Variants in HEATR5A observed in about 807,000 individuals in gnomAD.
The protein encoded by HEATR5A is HEAT repeat containing 5A, also known as HEAT repeat-containing protein 5A.
HEATR5A carries 178 observed loss-of-function variants against 218.8 expected under a neutral mutation model. The ratio of observed to expected loss-of-function variants is 0.81; its 90% CI spans 0.72 to 0.92. The LOEUF is 0.92. HEATR5A is among the 40% of genes least tolerant of loss of function. HEATR5A has a pLI of 0.00. For synonymous variants in HEATR5A, 864 were observed against 871.6 expected (o/e 0.99, Z 0.15); for missense variants, 2,420 against 2,418.9 (o/e 1.00, Z -0.01).
chr14:31,332,837 T>C (rs1298884955), intron 22 of HEATR5A, among the ~76,000 whole-genome samples: 1 of 151,864 alleles, frequency 6.6e-6, no homozygotes, highest in Non-Finnish European at 1.5e-5. Context: ...AATACAAAAA[T>C]TAGCCAGGCA....
At chr14:31,336,209 CATACATACATATATATATATAT>C (rs1165873820) in intron 22 of HEATR5A, among the ~76,000 whole-genome samples, 723 of 57,554 alleles carry the variant, frequency 0.013, 26 homozygotes, top group African/African-American at 0.049. Flanking sequence ...TTTATATATA[CATACATACATATATATATATAT>C]ATATATATAT....
intron 23 of HEATR5A, 93 bp from the exon 24 acceptor site, chr14:31,323,897 CTA>C: frequency 3.7e-6 from 3 of 814,952 alleles, no homozygotes; most frequent in Non-Finnish European, 5.7e-6. Flanking sequence ...CAAATTCAGA[CTA>C]GAATTGCTCA....
chr14:31,313,045 C>T lies in HEATR5A; in HGVS notation c.4364G>A (p.Arg1455Lys). 1 of 1,613,988 alleles carries T rather than the reference C, an allele frequency of 6.2e-7. No individual in the cohort carries two copies. The highest frequency in any genetic ancestry group is 8.5e-7 in the Non-Finnish European group (1 of 1,179,872). The change falls in exon 28 of 36, where the codon AGA becomes AAA. Residue 1455 changes from arginine to lysine, a missense_variant. By Grantham distance (26) the Arg-to-Lys change is conservative (BLOSUM62 2). Transcript: ENST00000543095. ...LVYADLGTLS[R>K]LWLAALQDFA... ...ATCCTGAAGTGCAGCAAGCCAGAGTCTGCTTAGTGTGCCAAGATCTGCATA... is the reference window on the plus strand; with the variant it reads ...ATCCTGAAGTGCAGCAAGCCAGAGTTTGCTTAGTGTGCCAAGATCTGCATA...
Position 31,296,626 on chromosome 14 carries a change from G to A in HEATR5A, c.5465-563C>T, listed in dbSNP as rs1283629927. The A allele has an allele frequency of 3.3e-5, 5 of 152,286 alleles. No individual in the cohort carries two copies. The East Asian group carries it at 9.6e-4, about 29-fold the overall frequency. The allele number at this position is 152,286 out of a possible 1,614,324, so 9.4% of individuals were successfully genotyped here. On this transcript the variant is annotated intron_variant, in intron 33 of 35. Transcript: ENST00000543095. ...TTACAAATATGATTTCTCAAGAGTA[G>A]AGAAAAACCTGAAAACAGCTGTGTA... is the stretch of plus-strand genomic sequence containing the variant.
chr14:31,374,637 C>T (rs1322081293), intron 12 of HEATR5A, among the ~76,000 whole-genome samples, 179 bp downstream of exon 12: 4 of 152,110 alleles, frequency 2.6e-5, no homozygotes, highest in African/African-American at 7.2e-5. Flanking sequence ...TTTATTATAA[C>T]ATACACCAGT....
At chr14:31,342,924 T>C (rs1275381207) in intron 21 of HEATR5A, among the ~76,000 whole-genome samples, 1 of 152,068 alleles carries the variant, frequency 6.6e-6, no homozygotes, top group Non-Finnish European at 1.5e-5. Context: ...AGCTTGAAAA[T>C]GAAAGGTCTA....
chr14:31,354,437 C>T (rs534992070), intron 16 of HEATR5A, among the ~76,000 whole-genome samples: 8 of 152,046 alleles, frequency 5.3e-5, no homozygotes, highest in South Asian at 4.1e-4. Flanking sequence ...CTTCTGCCCC[C>T]CAATCCTGAA....
intron 12 of HEATR5A, among the ~76,000 whole-genome samples, chr14:31,374,143 A>C (rs1287120688): frequency 6.6e-6 from 1 of 151,816 alleles, no homozygotes; most frequent in African/African-American, 2.4e-5. Context: ...CCATCTCTAC[A>C]AAAAATTTAA....
chr14:31,311,421 T>A (rs932771815), intron 28 of HEATR5A, among the ~76,000 whole-genome samples: 3 of 151,996 alleles, frequency 2.0e-5, no homozygotes, highest in African/African-American at 7.2e-5. Flanking sequence ...TCTTTTAATT[T>A]TTTTTTTTTA....
chr14:31,308,005 A>G lies in HEATR5A; in HGVS notation c.4706T>C (p.Phe1569Ser). The change falls in exon 30 of 36, where the codon TTT becomes TCT. Residue 1569 changes from phenylalanine to serine, a missense_variant. Physicochemically the swap from Phe to Ser is radical, Grantham distance 155. Transcript: ENST00000543095. ...TGCATCTGAACGTAAGGAACATAGA[A>G]ATTCCACGCTGATTCCTGTGGAAAG... ...FHLILGISVEFLCSLRSDATM... is the reference protein window; with the variant it reads ...FHLILGISVESLCSLRSDATM... The G allele has an allele frequency of 6.2e-7, 1 of 1,609,852 alleles. No individual in the cohort carries two copies. Among genetic ancestry groups the G allele is most frequent in the Non-Finnish European group, 8.5e-7 (1 of 1,178,692 alleles).
chr14:31,306,525 T>G (rs959034596), intron 31 of HEATR5A, among the ~76,000 whole-genome samples: 2 of 152,044 alleles, frequency 1.3e-5, no homozygotes, highest in East Asian at 3.8e-4. Flanking sequence ...GCCTAAAGAC[T>G]CTACTTTCAG....
intron 1 of HEATR5A, among the ~76,000 whole-genome samples, chr14:31,419,908 C>G (rs1354525336): frequency 6.6e-6 from 1 of 152,122 alleles, no homozygotes; most frequent in Non-Finnish European, 1.5e-5. Flanking sequence ...AAGCAAATAT[C>G]CACACTCTCC....
At position 31,293,832 on chromosome 14, in the gene HEATR5A, A is replaced by G. The variant is rs1899093063; in HGVS notation, c.5833+59T>C. On this transcript the variant is annotated intron_variant, in intron 35 of 35. Transcript: ENST00000543095. ...TGTGACTGATTGTTTTGCAATTTAA[A>G]TAACAGTAAAATTCTGATTTTTGTT... 50 of 1,379,896 alleles carry G rather than the reference A, an allele frequency of 3.6e-5. No homozygotes were observed. The South Asian group carries it at 5.6e-4, about 16-fold the overall frequency. 85.5% of individuals were successfully genotyped at this position (1,379,896 alleles called of 1,614,324 possible). A position where few individuals can be genotyped will look rare whatever the true frequency, so the allele number is the denominator to read the frequency against.
At chr14:31,324,085 TA>T (rs1304056733) in intron 23 of HEATR5A, among the ~76,000 whole-genome samples, 1 of 152,014 alleles carries the variant, frequency 6.6e-6, no homozygotes, top group Non-Finnish European at 1.5e-5. Context: ...AAAAAATATT[TA>T]AAAAAACAAA....
chr14:31,344,268 C>CTTTT (rs577497140), intron 20 of HEATR5A, among the ~76,000 whole-genome samples: 5 of 50,812 alleles, frequency 9.8e-5, no homozygotes, highest in Non-Finnish European at 1.5e-4. Flanking sequence ...ATTAGTTATT[C>CTTTT]TTTTTTTTTT....
At position 31,411,117 on chromosome 14, in the gene HEATR5A, A is replaced by G. The variant is rs187203578; in HGVS notation, c.-74-8068T>C. 4.0e-4 allele frequency among the ~76,000 whole-genome samples: 61 copies of G among 152,358 alleles called. No homozygotes were observed. The East Asian group carries it at 0.011, about 28-fold the overall frequency. On this transcript the variant is annotated intron_variant, in intron 1 of 35. Transcript: ENST00000543095. ...GAAAAGCTGATAGTTTAATATAAAC[A>G]GTGGCAGTACAAATGGTTCAACTCT...
chr14:31,377,875 A>G (rs945040711), intron 11 of HEATR5A, among the ~76,000 whole-genome samples: 2 of 152,222 alleles, frequency 1.3e-5, no homozygotes, highest in African/African-American at 4.8e-5. Context: ...CAAAGTAATT[A>G]AACAAAACCT....
At chr14:31,348,358 T>C (rs1041740208) in intron 18 of HEATR5A, among the ~76,000 whole-genome samples, 4 of 152,092 alleles carry the variant, frequency 2.6e-5, no homozygotes, top group Non-Finnish European at 5.9e-5. Context: ...GGAGGATCAC[T>C]TCAACCCAGG....
At chr14:31,417,078 A>G (rs74643698) in intron 1 of HEATR5A, among the ~76,000 whole-genome samples, 1,638 of 152,186 alleles carry the variant, frequency 0.011, 25 homozygotes, top group African/African-American at 0.037. Flanking sequence ...TAAACAAATA[A>G]ATAAAACAAA....
Sources: gnomAD v4.1 joint callset for allele counts (sites outside exome capture counted in the v4.1 genomes callset) on GRCh38, gnomAD v4.1.1 for gene constraint, MANE v1.5 for transcripts, NCBI Gene and HGNC (gene_info 2026-07-23, HGNC 2026-07-21) for gene names.